AVPR1A: variants seen among roughly 807,000 people sequenced by gnomAD.
AVPR1A encodes vasopressin V1a receptor.
In AVPR1A, 31 loss-of-function variants were observed where a neutral mutation model predicts 31.5. The observed-to-expected ratio is 0.99, with a 90% confidence interval of 0.74 to 1.33. The LOEUF is 1.33. AVPR1A is among the 40% of genes most tolerant of loss of function. The pLI, the probability that AVPR1A is intolerant of heterozygous loss-of-function variation, is 0.00. For synonymous variants in AVPR1A, 243 were observed against 233.2 expected (o/e 1.04, Z -0.38); for missense variants, 570 against 575.2 (o/e 0.99, Z 0.09).
In AVPR1A at chr12:63,145,227, C is replaced by T; in HGVS notation, c.*2132G>A. ...AGAAGAATTTGAAAACCTAGGGAGT[C>T]CCTAGGTTTATAATCTCTATAAAGC... On this transcript the variant is annotated 3_prime_UTR_variant, in exon 2 of 2. Coordinates refer to ENST00000299178, the MANE Select transcript of AVPR1A (RefSeq NM_000706.5). The T allele has an allele frequency of 5.9e-6, 2 of 336,804 alleles. No individual in the cohort carries two copies. 20.9% of individuals were successfully genotyped at this position (336,804 alleles called of 1,614,324 possible).
chr12:63,143,945 G>T lies in AVPR1A; in HGVS notation c.*3414C>A, dbSNP rs1046545186. On this transcript the variant is annotated 3_prime_UTR_variant, in exon 2 of 2. Transcript: ENST00000299178. ...TTTAACACTCTGAAAGTCCAATTAA[G>T]TTACAAAAACATAGGCTTTAGAGTC... 6.6e-6 allele frequency: 1 copy of T among 152,184 alleles called. No homozygotes were observed. Among genetic ancestry groups the T allele is most frequent in the East Asian group, 1.9e-4 (1 of 5,192 alleles). 9.4% of individuals were successfully genotyped at this position (152,184 alleles called of 1,614,324 possible).
intron 1 of AVPR1A, among the ~76,000 whole-genome samples, chr12:63,148,472 A>T (rs186667375): frequency 2.6e-5 from 4 of 152,320 alleles, no homozygotes; most frequent in Non-Finnish European, 5.9e-5. Flanking sequence ...ATTTAATCAT[A>T]CTTAGTGCTA....
rs748424299 is a variant in AVPR1A, at chr12:63,144,670, G to A, written c.*2689C>T. ...CTTCCAATCTGAAATATTGTTTTGA[G>A]ATATGTGGCGTCCATTTCTGGGTAC... On this transcript the variant is annotated 3_prime_UTR_variant, in exon 2 of 2. Coordinates refer to ENST00000299178, the MANE Select transcript of AVPR1A (RefSeq NM_000706.5). 5 of 152,112 alleles carry A rather than the reference G, an allele frequency of 3.3e-5. No homozygotes were observed. The highest frequency in any genetic ancestry group is 5.9e-5 in the Non-Finnish European group (4 of 68,026). 9.4% of individuals were successfully genotyped at this position (152,112 alleles called of 1,614,324 possible).
At chr12:63,147,763 T>G (rs1234725750) in intron 1 of AVPR1A, 118 bp from the exon 2 acceptor site, 1 of 1,164,200 alleles carries the variant, frequency 8.6e-7, no homozygotes, top group African/African-American at 1.6e-5. Context: ...AATGAACTAT[T>G]TTGTTTATCA....
chr12:63,146,391 C>T lies in AVPR1A; in HGVS notation c.*968G>A. Reference sequence around the variant, plus strand: ...ATTTTTAATTAAACATGTTGGGACACTTTATATCCTGAGTCACTCTTTAGG... The same window carrying T: ...ATTTTTAATTAAACATGTTGGGACATTTTATATCCTGAGTCACTCTTTAGG... On this transcript the variant is annotated 3_prime_UTR_variant, in exon 2 of 2. Coordinates refer to ENST00000299178, the MANE Select transcript of AVPR1A (RefSeq NM_000706.5). 1 of 152,162 alleles carries T rather than the reference C, an allele frequency of 6.6e-6. No individual in the cohort carries two copies. The highest frequency in any genetic ancestry group is 1.5e-5 in the Non-Finnish European group (1 of 68,038). 9.4% of individuals were successfully genotyped at this position (152,162 alleles called of 1,614,324 possible).
Position 63,144,306 on chromosome 12 carries a change from C to T in AVPR1A, c.*3053G>A, listed in dbSNP as rs1300107675. 1 of 152,204 alleles carries T rather than the reference C, an allele frequency of 6.6e-6. No individual in the cohort carries two copies. The highest frequency in any genetic ancestry group is 1.5e-5 in the Non-Finnish European group (1 of 68,032). The allele number at this position is 152,204 out of a possible 1,614,324, so 9.4% of individuals were successfully genotyped here. A position where few individuals can be genotyped will look rare whatever the true frequency, so the allele number is the denominator to read the frequency against. On this transcript the variant is annotated 3_prime_UTR_variant, in exon 2 of 2. Coordinates refer to ENST00000299178, the MANE Select transcript of AVPR1A (RefSeq NM_000706.5). ...TTTAGAATACATGCTCCAAAATTAACCCATTAAGCACTTAATAATGCACTC... is the reference window on the plus strand; with the variant it reads ...TTTAGAATACATGCTCCAAAATTAATCCATTAAGCACTTAATAATGCACTC...
In AVPR1A at chr12:63,147,180, C is replaced by G. The variant is rs137992996; in HGVS notation, c.*179G>C. The G allele has an allele frequency of 1.7e-5, 12 of 687,400 alleles. No individual in the cohort carries two copies. The African/African-American group carries it at 2.2e-4, about 12-fold the overall frequency. 42.6% of individuals were successfully genotyped at this position (687,400 alleles called of 1,614,324 possible). On this transcript the variant is annotated 3_prime_UTR_variant, in exon 2 of 2. Coordinates refer to ENST00000299178, the MANE Select transcript of AVPR1A (RefSeq NM_000706.5). ...AGCATGTTTCCATTAATATTCCATA[C>G]AAAATAATGTCTAGTTTTTGGTAGC...
chr12:63,147,527 G>A lies in AVPR1A; in HGVS notation c.1089C>T (p.Phe363=). Residue 363 remains phenylalanine (F), a synonymous_variant, in exon 2 of 2, where the codon TTC becomes TTT. Transcript: ENST00000299178. The part of the protein sequence containing the change: ...GHLLQDCVQS[F]PCCQNMKEKF... ...TTTCCTTCATGTTTTGGCAGCATGG[G>A]AAGCTTTGAACACAGTCTTGAAGGA... The A allele has an allele frequency of 6.2e-7, 1 of 1,614,138 alleles. No homozygotes were observed. The highest frequency in any genetic ancestry group is 8.5e-7 in the Non-Finnish European group (1 of 1,179,998).
rs775685841 is a variant in AVPR1A, at chr12:63,150,566, G to T, written c.271C>A (p.Arg91=). The T allele has an allele frequency of 1.3e-5, 21 of 1,612,450 alleles. No individual in the cohort carries two copies. In the South Asian group the frequency reaches 2.1e-4, roughly 16 times the overall value. ...GCCAGGTCGGCCAGGCTGAGGTGTC[G>T]GATGAAGAGGTGCATGCGGGACGTC... ...RKTSRMHLFI[R]HLSLADLAVA... is the part of the protein sequence containing the mutation. Residue 91 remains arginine (R), a synonymous_variant, in exon 1 of 2, where the codon CGA becomes AGA. Transcript: ENST00000299178. The surrounding 1 kb of genome is among the most constrained non-coding windows in gnomAD (Gnocchi z 4.9).
Position 63,151,123 on chromosome 12 carries a change from T to G in AVPR1A, c.-287A>C. ...CTCCGAGCTTCCGGAAGCACTGGGTTCCCAACTCAAGTATTTATGCGGTGC... is the reference window on the plus strand; with the variant it reads ...CTCCGAGCTTCCGGAAGCACTGGGTGCCCAACTCAAGTATTTATGCGGTGC... On this transcript the variant is annotated 5_prime_UTR_variant, in exon 1 of 2. Coordinates refer to ENST00000299178, the MANE Select transcript of AVPR1A (RefSeq NM_000706.5). The G allele has an allele frequency of 2.4e-6, 1 of 415,828 alleles. No homozygotes were observed. The highest frequency in any genetic ancestry group is 2.1e-5 in the African/African-American group (1 of 48,526). The allele number at this position is 415,828 out of a possible 1,614,324, so 25.8% of individuals were successfully genotyped here.
In AVPR1A at chr12:63,144,073, T is replaced by C. The variant is rs994741280; in HGVS notation, c.*3286A>G. On this transcript the variant is annotated 3_prime_UTR_variant, in exon 2 of 2. Transcript: ENST00000299178. ...GTCCATTCTAGAAACTGTAATAAGC[T>C]TGGCAGGGTCCTGTGTATCATTAAG... 3 of 151,970 alleles carry C rather than the reference T, an allele frequency of 2.0e-5. No individual in the cohort carries two copies. Among genetic ancestry groups the C allele is most frequent in the Non-Finnish European group, 4.4e-5 (3 of 68,026 alleles). 9.4% of individuals were successfully genotyped at this position (151,970 alleles called of 1,614,324 possible).
chr12:63,150,014 A>G lies in AVPR1A; in HGVS notation c.823T>C (p.Cys275Arg), dbSNP rs1364742294. Residue 275 changes from cysteine (C) to arginine (R), a missense_variant, in exon 1 of 2, where the codon TGT (cysteine) becomes CGT (arginine). Coordinates refer to ENST00000299178, the MANE Select transcript of AVPR1A (RefSeq NM_000706.5). This position sits in a 1 kb window ranked among gnomAD's most constrained non-coding sequence, Gnocchi z 4.9. ...AFQKGFLLAPCVSSVKSISRA... is the reference protein window; with the variant it reads ...AFQKGFLLAPRVSSVKSISRA... The stretch of plus-strand genomic sequence containing the variant: ...GAAATGGACTTCACGCTGCTGACAC[A>G]GGGTGCGAGCAGGAACCCCTTTTGG... The G allele has an allele frequency of 6.2e-7, 1 of 1,614,008 alleles. No individual in the cohort carries two copies. Among genetic ancestry groups the G allele is most frequent in the Admixed American group, 1.7e-5 (1 of 59,998 alleles).
rs1592331311 is a variant in AVPR1A, at chr12:63,145,441, A to G, written c.*1918T>C. ...TACTATTAAAACCATGCTGGCCAAC[A>G]TGGTGAAACCCCATCTCTACTAAAA... is the stretch of plus-strand genomic sequence containing the variant. On this transcript the variant is annotated 3_prime_UTR_variant, in exon 2 of 2. Transcript: ENST00000299178. 2.2e-6 allele frequency: 1 copy of G among 446,358 alleles called. No individual in the cohort carries two copies. Among genetic ancestry groups the G allele is most frequent in the East Asian group, 7.0e-5 (1 of 14,266 alleles). The allele number at this position is 446,358 out of a possible 1,614,324, so 27.6% of individuals were successfully genotyped here.
rs1340848121 is a variant in AVPR1A, at chr12:63,144,880, G to C, written c.*2479C>G. 6.5e-6 allele frequency: 1 copy of C among 153,002 alleles called. No homozygotes were observed. The highest frequency in any genetic ancestry group is 2.4e-5 in the African/African-American group (1 of 41,400). The allele number at this position is 153,002 out of a possible 1,614,324, so 9.5% of individuals were successfully genotyped here. A position where few individuals can be genotyped will look rare whatever the true frequency, so the allele number is the denominator to read the frequency against. On this transcript the variant is annotated 3_prime_UTR_variant, in exon 2 of 2. Coordinates refer to ENST00000299178, the MANE Select transcript of AVPR1A (RefSeq NM_000706.5). ...AAAATACAACTGGGTAGGGTGATAT[G>C]CACTTTTTTTTGTGAGCTGTTCTCA... is the stretch of plus-strand genomic sequence containing the variant.
At chr12:63,149,546 A>G (rs903602442) in intron 1 of AVPR1A, among the ~76,000 whole-genome samples, 2 of 152,062 alleles carry the variant, frequency 1.3e-5, no homozygotes, top group African/African-American at 4.8e-5. Flanking sequence ...TCTAGGACAC[A>G]GTTTCTGGAA....
Position 63,147,567 on chromosome 12 carries a change from A to T in AVPR1A, c.1049T>A (p.Phe350Tyr). The T allele has an allele frequency of 6.2e-7, 1 of 1,614,182 alleles. No individual in the cohort carries two copies. The highest frequency in any genetic ancestry group is 8.5e-7 in the Non-Finnish European group (1 of 1,180,020). Residue 350 changes from phenylalanine (F) to tyrosine (Y), a missense_variant, in exon 2 of 2, where the codon TTT becomes TAT. Coordinates refer to ENST00000299178, the MANE Select transcript of AVPR1A (RefSeq NM_000706.5). ...GTCTTGAAGGAGATGGCCACTAAAA[A>T]ACATGTATATCCAGGGATTACAGCA... is the stretch of plus-strand genomic sequence containing the variant. ...NSCCNPWIYMFFSGHLLQDCV... is the reference protein window; with the variant it reads ...NSCCNPWIYMYFSGHLLQDCV...
chr12:63,147,385 T>C lies in AVPR1A; in HGVS notation c.1231A>G (p.Ile411Val). ...CAAGTTGAAACAGGAATGAATTTGA[T>C]GGACTTGGAAGATTTAGGCGAGTCC... ...WKDSPKSSKS[I>V]KFIPVST Residue 411 changes from isoleucine to valine, a missense_variant, in exon 2 of 2, where the codon ATC (isoleucine) becomes GTC (valine). Ile to Val is a conservative substitution (Grantham distance 29, BLOSUM62 3). Coordinates refer to ENST00000299178, the MANE Select transcript of AVPR1A (RefSeq NM_000706.5). 3 of 1,613,548 alleles carry C rather than the reference T, an allele frequency of 1.9e-6. No individual in the cohort carries two copies. The highest frequency in any genetic ancestry group is 2.5e-6 in the Non-Finnish European group (3 of 1,179,466).
Position 63,147,774 on chromosome 12 carries a change from A to C in AVPR1A, c.971-129T>G, listed in dbSNP as rs188849978. The C allele has an allele frequency of 8.6e-5, 89 of 1,036,850 alleles. No individual in the cohort carries two copies. In the African/African-American group the frequency reaches 1.1e-3, roughly 12 times the overall value. 64.2% of individuals were successfully genotyped at this position (1,036,850 alleles called of 1,614,324 possible). ...AGAAAATGAACTATTTTGTTTATCAATCAGGGAAATGGGGAGTGTTTGAAA... is the reference window on the plus strand; with the variant it reads ...AGAAAATGAACTATTTTGTTTATCACTCAGGGAAATGGGGAGTGTTTGAAA... On this transcript the variant is annotated intron_variant, in intron 1 of 1. Transcript: ENST00000299178.
At chr12:63,147,741 A>T in intron 1 of AVPR1A, 96 bp from the exon 2 acceptor site, 1 of 1,305,182 alleles carries the variant, frequency 7.7e-7, no homozygotes, top group African/African-American at 1.5e-5. Flanking sequence ...AAACTTCTGG[A>T]TTATCATAGA....
Sources: gnomAD v4.1 joint callset for allele counts (sites outside exome capture counted in the v4.1 genomes callset) on GRCh38, gnomAD v4.1.1 for gene constraint, Gnocchi (gnomAD v3.1) non-coding constraint, MANE v1.5 for transcripts, NCBI Gene and HGNC (gene_info 2026-07-23, HGNC 2026-07-21) for gene names.